GLI3: variants seen among roughly 807,000 people sequenced by gnomAD.
GLI3 encodes the protein GLI family zinc finger 3, also known as transcription activator GLI3.
A neutral mutation model predicts 100.8 loss-of-function variants in GLI3; 20 were observed. The observed-to-expected ratio is 0.20, with a 90% CI of 0.14 to 0.29. GLI3 has a LOEUF of 0.29. Ranked by LOEUF, GLI3 falls within the 10% of genes least tolerant of loss-of-function variation. The pLI is 1.00. For missense variants in GLI3, 2,040 were observed against 2,128.5 expected, an observed-to-expected ratio of 0.96 and a Z score of 0.82; for synonymous variants, 938 against 860.5, an observed-to-expected ratio of 1.09 and a Z score of -1.58.
At chr7:41,993,513 C>T (rs1342570880) in intron 10 of GLI3, among the ~76,000 whole-genome samples, 1 of 152,186 alleles carries the variant, frequency 6.6e-6, no homozygotes, top group Non-Finnish European at 1.5e-5. Context: ...TTCCAACACA[C>T]TATAATTTAC....
chr7:42,055,114 C>CAG (rs1164515180), intron 4 of GLI3, among the ~76,000 whole-genome samples: 1 of 117,608 alleles, frequency 8.5e-6, no homozygotes, highest in South Asian at 2.6e-4. Context: ...TGTATATATA[C>CAG]ACATATATAT....
At chr7:42,186,146 A>C (rs552151765) in intron 2 of GLI3, among the ~76,000 whole-genome samples, 1 of 152,218 alleles carries the variant, frequency 6.6e-6, no homozygotes, top group Non-Finnish European at 1.5e-5. Flanking sequence ...AACGAAAAAC[A>C]GTAAAATCTC....
chr7:42,237,698 G>C (rs901237279), upstream of GLI3: 4 of 151,434 alleles, frequency 2.6e-5, no homozygotes, highest in Admixed American at 6.6e-5. Context: ...AGCCACTCTC[G>C]GGCTCGGAGG....
At chr7:42,031,417 G>A (rs2128734702) in intron 7 of GLI3, among the ~76,000 whole-genome samples, 1 of 152,272 alleles carries the variant, frequency 6.6e-6, no homozygotes. Flanking sequence ...GCCTCCTGAG[G>A]TGAGTAAGTG....
chr7:42,089,662 T>C (rs1256091286), intron 3 of GLI3, among the ~76,000 whole-genome samples: 1 of 152,216 alleles, frequency 6.6e-6, no homozygotes, highest in Non-Finnish European at 1.5e-5. Context: ...CCAAGGCAGC[T>C]GAAAAGGCTC....
intron 3 of GLI3, among the ~76,000 whole-genome samples, chr7:42,078,726 G>GTTTTTTTTTTTTT (rs10709803): frequency 1.1e-5 from 1 of 94,672 alleles, no homozygotes; most frequent in African/African-American, 3.6e-5. Context: ...ATTTATCACA[G>GTTTTTTTTTTTTT]TTTTTTTTTT....
chr7:42,072,008 C>A (rs1784793206), intron 4 of GLI3, among the ~76,000 whole-genome samples: 1 of 152,174 alleles, frequency 6.6e-6, no homozygotes, highest in Non-Finnish European at 1.5e-5. Context: ...ACGTACAGAA[C>A]AGAACATGAG....
intron 10 of GLI3, among the ~76,000 whole-genome samples, chr7:42,016,242 G>A (rs978076420): frequency 2.0e-5 from 3 of 152,078 alleles, no homozygotes; most frequent in South Asian, 2.1e-4. Context: ...TGGAATCTCC[G>A]CACTGCAGAA....
chr7:42,172,364 C>T, intron 2 of GLI3: 1 of 594,306 alleles, frequency 1.7e-6, no homozygotes, highest in South Asian at 2.0e-5. Flanking sequence ...ATCCGCATGT[C>T]TTAACTCACT....
At chr7:42,048,052 T>G (rs985662441) in intron 5 of GLI3, among the ~76,000 whole-genome samples, 2 of 152,146 alleles carry the variant, frequency 1.3e-5, no homozygotes, top group Non-Finnish European at 2.9e-5. Context: ...ATAAATGTGC[T>G]CAGACACACA....
intron 2 of GLI3, among the ~76,000 whole-genome samples, chr7:42,216,111 C>T (rs187673192): frequency 3.9e-5 from 6 of 152,250 alleles, no homozygotes; most frequent in East Asian, 1.9e-4. Context: ...ACAGCAATTA[C>T]GTGGTAGGGA....
In GLI3 at chr7:41,978,713, C is replaced by T. The variant is rs1787575465; in HGVS notation, c.1533G>A (p.Lys511=). 4 of 1,613,854 alleles carry T rather than the reference C, an allele frequency of 2.5e-6. No individual in the cohort carries two copies. The African/African-American group carries it at 5.3e-5, about 22-fold the overall frequency. Reference sequence around the variant, plus strand: ...AGTCCAGCCACCTGCACACGAACTCCTTCTTCTCTCCATGAATATGGTCGT... The same window carrying T: ...AGTCCAGCCACCTGCACACGAACTCTTTCTTCTCTCCATGAATATGGTCGT... ...INNDHIHGEK[K]EFVCRWLDCS... is the part of the protein sequence containing the mutation. The change falls in exon 11 of 15, where the codon AAG becomes AAA. Residue 511 remains lysine (K), a synonymous_variant. Transcript: ENST00000395925.
At chr7:42,217,204 A>T (rs2128700398) in intron 2 of GLI3, among the ~76,000 whole-genome samples, 1 of 152,274 alleles carries the variant, frequency 6.6e-6, no homozygotes, top group African/African-American at 2.4e-5. Context: ...ACAGAGGAAA[A>T]TCTAACAGGA....
At chr7:42,142,642 C>G (rs1358414815) in intron 3 of GLI3, among the ~76,000 whole-genome samples, 1 of 152,054 alleles carries the variant, frequency 6.6e-6, no homozygotes, top group Non-Finnish European at 1.5e-5. Flanking sequence ...TCACTGGCAA[C>G]AGTTCAAATC....
At chr7:42,051,506 C>T (rs7785287) in intron 4 of GLI3, among the ~76,000 whole-genome samples, 37,736 of 152,052 alleles carry the variant, frequency 0.25, 5,257 homozygotes, top group East Asian at 0.4. Context: ...ACATACTGTG[C>T]TAACATATTC....
At chr7:42,138,104 C>T (rs1465401798) in intron 3 of GLI3, among the ~76,000 whole-genome samples, 2 of 152,158 alleles carry the variant, frequency 1.3e-5, no homozygotes, top group Admixed American at 6.5e-5. Flanking sequence ...TTTTGGCAAA[C>T]GCTGACCCCT....
At chr7:41,978,251 G>A (rs920060308) in intron 11 of GLI3, among the ~76,000 whole-genome samples, 2 of 152,168 alleles carry the variant, frequency 1.3e-5, no homozygotes, top group Non-Finnish European at 2.9e-5. Flanking sequence ...TTAAAACCTC[G>A]TATAGGGATT....
chr7:42,252,129 G>A (rs574908711), intron 1 of GLI3, among the ~76,000 whole-genome samples: 3 of 152,172 alleles, frequency 2.0e-5, no homozygotes, highest in East Asian at 1.9e-4. Context: ...TAAAGAAAAC[G>A]TGGTACATAT....
intron 10 of GLI3, among the ~76,000 whole-genome samples, chr7:41,995,141 T>C (rs1336083873): frequency 6.6e-6 from 1 of 152,216 alleles, no homozygotes; most frequent in South Asian, 2.1e-4. Context: ...TGTCTGTATA[T>C]TTCATTTGTC....
Sources: allele counts gnomAD v4.1 joint callset (sites outside exome capture counted in the v4.1 genomes callset), GRCh38; gene constraint gnomAD v4.1.1; transcripts MANE v1.5; gene names NCBI Gene and HGNC (gene_info 2026-07-23, HGNC 2026-07-21).